The following WDR20 variants were observed in gnomAD, a reference collection of about 807,000 sequenced individuals.
WDR20 encodes the protein WD repeat-containing protein 20.
In WDR20, 3 loss-of-function variants were observed where a neutral mutation model predicts 38.7. That is an observed-to-expected ratio of 0.08 (90% confidence interval 0.04 to 0.20). The LOEUF is 0.20. Ranked by LOEUF, WDR20 falls within the 10% of genes least tolerant of loss-of-function variation. WDR20 has a pLI of 1.00. For missense variants in WDR20, 559 were observed against 727.7 expected (o/e 0.77, Z 2.67); for synonymous variants, 298 against 285.6 (o/e 1.04, Z -0.44).
intron 1 of WDR20, among the ~76,000 whole-genome samples, chr14:102,153,585 C>T (rs1055453607): frequency 2.0e-5 from 3 of 152,092 alleles, no homozygotes; most frequent in Non-Finnish European, 2.9e-5. Flanking sequence ...GGATTACAGG[C>T]GTGAGCCACC....
chr14:102,173,840 C>T (rs1220961356), intron 1 of WDR20, among the ~76,000 whole-genome samples: 3 of 152,076 alleles, frequency 2.0e-5, no homozygotes, highest in Admixed American at 6.5e-5. Flanking sequence ...GTCAGGAGAT[C>T]GAGACCATCC....
intron 1 of WDR20, among the ~76,000 whole-genome samples, chr14:102,160,947 CAAA>C (rs57488628): frequency 1.8e-5 from 1 of 54,648 alleles, no homozygotes; most frequent in African/African-American, 7.2e-5. Context: ...GACTCTGTCT[CAAA>C]AAAAAAAAAA....
downstream of WDR20, chr14:102,215,028 T>C (rs1477913223): frequency 1.0e-6 from 1 of 971,792 alleles, no homozygotes; most frequent in African/African-American, 1.8e-5. Context: ...TCAGTAGTCA[T>C]TTTCACATCT....
downstream of WDR20, among the ~76,000 whole-genome samples, chr14:102,210,804 C>T (rs2062401502): frequency 6.6e-6 from 1 of 152,166 alleles, no homozygotes; most frequent in South Asian, 2.1e-4. Context: ...CGCTTTGTTT[C>T]GTAAAGCCTG....
At chr14:102,156,150 A>G (rs1274375658) in intron 1 of WDR20, among the ~76,000 whole-genome samples, 2 of 150,020 alleles carry the variant, frequency 1.3e-5, no homozygotes, top group Non-Finnish European at 3.0e-5. Context: ...ATCCATCACT[A>G]CTTTGAAATT....
chr14:102,206,293 C>T (rs1596952913), intron 2 of WDR20, among the ~76,000 whole-genome samples: 1 of 152,316 alleles, frequency 6.6e-6, no homozygotes, highest in Middle Eastern at 3.4e-3. Flanking sequence ...GGCCACAGTG[C>T]AGCTTCTTAA....
At chr14:102,214,092 C>T (rs564476517), downstream of WDR20, 7 of 985,516 alleles carry the variant, frequency 7.1e-6, no homozygotes, top group African/African-American at 5.2e-5. Flanking sequence ...TGGCGGCGGT[C>T]GGTGTGCCCT....
intron 1 of WDR20, among the ~76,000 whole-genome samples, chr14:102,175,770 G>A (rs1344094706): frequency 6.6e-6 from 1 of 152,118 alleles, no homozygotes; most frequent in African/African-American, 2.4e-5. Context: ...CATGTCAATG[G>A]TTAGATATAT....
At position 102,209,228 on chromosome 14, in the gene WDR20, C is replaced by G; in HGVS notation, c.1058C>G (p.Ser353Cys). ...GCAAATAGTACACAGTCCAGGCTCT[C>G]CAAACGGAACTCTACAGACAGCCGC... The part of the protein sequence containing the change: ...DRANSTQSRL[S>C]KRNSTDSRPV... Residue 353 changes from serine (S) to cysteine (C), a missense_variant, in exon 3 of 3, where the codon TCC (serine) becomes TGC (cysteine). Coordinates refer to ENST00000342702, the MANE Select transcript of WDR20 (RefSeq NM_144574.4). The surrounding 1 kb of genome is among the most constrained non-coding windows in gnomAD (Gnocchi z 6.0). 6.2e-7 allele frequency: 1 copy of G among 1,614,142 alleles called. No individual in the cohort carries two copies. Among genetic ancestry groups the G allele is most frequent in the South Asian group, 1.1e-5 (1 of 91,082 alleles).
chr14:102,208,940 C>A lies in WDR20; in HGVS notation c.770C>A (p.Thr257Lys), dbSNP rs778393357. 1.2e-6 allele frequency: 2 copies of A among 1,614,170 alleles called. No homozygotes were observed. Among genetic ancestry groups the A allele is most frequent in the South Asian group, 2.2e-5 (2 of 91,084 alleles). The change falls in exon 3 of 3, where the codon ACG becomes AAG. Residue 257 changes from threonine (T) to lysine (K), a missense_variant. Coordinates refer to ENST00000342702, the MANE Select transcript of WDR20 (RefSeq NM_144574.4). The surrounding 1 kb of genome is among the most constrained non-coding windows in gnomAD (Gnocchi z 5.6). ...TTTGACTCAGTGGAGCTGCACGGTA[C>A]GATGAAAAGCTACTTTGGGGGCTTG... ...FNFDSVELHG[T>K]MKSYFGGLLC...
chr14:102,149,032 G>A (rs12587354), intron 1 of WDR20, among the ~76,000 whole-genome samples: 47,193 of 151,882 alleles, frequency 0.31, 8,946 homozygotes, highest in Admixed American at 0.43. Flanking sequence ...GTGTGGTGGC[G>A]GGTGCCTGTA....
rs1403043335 is a variant in WDR20 at position 102,209,412 on chromosome 14, T to C, written c.1242T>C (p.Asn414=). The C allele has an allele frequency of 1.2e-6, 2 of 1,614,076 alleles. No individual in the cohort carries two copies. The highest frequency in any genetic ancestry group is 1.7e-5 in the Admixed American group (1 of 60,014). ...MNATSPPAGS[N]GNSVTTPGNS... Reference sequence around the variant, plus strand: ...CCACGAGTCCTCCTGCTGGAAGCAATGGGAACAGTGTTACAACACCCGGGA... The same window carrying C: ...CCACGAGTCCTCCTGCTGGAAGCAACGGGAACAGTGTTACAACACCCGGGA... The change falls in exon 3 of 3, where the codon AAT becomes AAC. Residue 414 remains asparagine (N), a synonymous_variant. Coordinates refer to ENST00000342702, the MANE Select transcript of WDR20 (RefSeq NM_144574.4). The surrounding 1 kb of genome is among the most constrained non-coding windows in gnomAD (Gnocchi z 6.0).
chr14:102,188,013 C>G (rs1187222284), intron 1 of WDR20, among the ~76,000 whole-genome samples: 1 of 152,160 alleles, frequency 6.6e-6, no homozygotes, highest in Non-Finnish European at 1.5e-5. Context: ...GACCGGTTCT[C>G]TCTTAGGTGA....
At chr14:102,194,574 G>A (rs115247816) in intron 1 of WDR20, among the ~76,000 whole-genome samples, 6 of 152,170 alleles carry the variant, frequency 3.9e-5, no homozygotes, top group Non-Finnish European at 7.3e-5. Flanking sequence ...TTTGAAAGCC[G>A]AGCTTTTTAT....
At chr14:102,151,946 C>G (rs988936244) in intron 1 of WDR20, among the ~76,000 whole-genome samples, 29 of 150,808 alleles carry the variant, frequency 1.9e-4, no homozygotes, top group African/African-American at 6.6e-4. Context: ...GACACAGGGT[C>G]GGTCTCGCTC....
In WDR20 at chr14:102,208,305, C is replaced by T. The variant is rs187254595; in HGVS notation, c.433-298C>T. On this transcript the variant is annotated intron_variant, in intron 2 of 2. Coordinates refer to ENST00000342702, the MANE Select transcript of WDR20 (RefSeq NM_144574.4). This position sits in a 1 kb window ranked among gnomAD's most constrained non-coding sequence, Gnocchi z 5.6. ...GATCCCAGCAGGGCTGTTCCCTCCG[C>T]AGTGAACCCTGTGCCTGGCATCGTG... Among the ~76,000 whole-genome samples, 1 of 152,364 alleles carries T rather than the reference C, an allele frequency of 6.6e-6. No individual in the cohort carries two copies. The highest frequency in any genetic ancestry group is 6.5e-5 in the Admixed American group (1 of 15,308).
chr14:102,214,506 C>T, downstream of WDR20: 1 of 985,392 alleles, frequency 1.0e-6, no homozygotes, highest in South Asian at 4.7e-5. Context: ...ATGTTGATTT[C>T]TTTATTCATT....
At position 102,209,034 on chromosome 14, in the gene WDR20, C is replaced by G. The variant is rs1386190699; in HGVS notation, c.864C>G (p.Val288=). The part of the protein sequence containing the change: ...VTGGEDDLVT[V]WSFVDCRVIA... The stretch of plus-strand genomic sequence containing the variant: ...GTGGGGAGGACGACTTGGTGACAGT[C>G]TGGTCCTTTGTAGACTGCCGAGTAA... Residue 288 remains valine, a synonymous_variant, in exon 3 of 3, where the codon GTC becomes GTG. Coordinates refer to ENST00000342702, the MANE Select transcript of WDR20 (RefSeq NM_144574.4). This position sits in a 1 kb window ranked among gnomAD's most constrained non-coding sequence, Gnocchi z 6.0. 1 of 1,614,180 alleles carries G rather than the reference C, an allele frequency of 6.2e-7. No individual in the cohort carries two copies. Among genetic ancestry groups the G allele is most frequent in the Non-Finnish European group, 8.5e-7 (1 of 1,180,030 alleles).
downstream of WDR20, chr14:102,214,368 T>G: frequency 1.0e-6 from 1 of 985,450 alleles, no homozygotes; most frequent in Non-Finnish European, 1.2e-6. Context: ...GAGACATTAG[T>G]CTGGCCGAAG....
Sources: gnomAD v4.1 joint callset for allele counts (sites outside exome capture counted in the v4.1 genomes callset) on GRCh38, gnomAD v4.1.1 for gene constraint, Gnocchi (gnomAD v3.1) non-coding constraint, MANE v1.5 for transcripts, NCBI Gene and HGNC (gene_info 2026-07-23, HGNC 2026-07-21) for gene names.